Variants in PRELID2 observed in about 807,000 individuals in gnomAD.
PRELID2 encodes the protein PRELI domain-containing protein 2.
A neutral mutation model predicts 28.4 loss-of-function variants in PRELID2; 25 were observed. The observed-to-expected ratio is 0.88, with a 90% CI of 0.64 to 1.23. The LOEUF (loss-of-function observed/expected upper bound fraction) is 1.23. Among genes scored for constraint, PRELID2 ranks in the 50% most tolerant of loss-of-function variants. PRELID2 has a pLI of 0.00. For missense variants in PRELID2, 201 were observed against 214.4 expected (o/e 0.94, Z 0.39); for synonymous variants, 76 against 71.6 (o/e 1.06, Z -0.31).
intron 1 of PRELID2, among the ~76,000 whole-genome samples, chr5:145,496,125 C>A (rs139203145): frequency 6.6e-6 from 1 of 152,102 alleles, no homozygotes; most frequent in Non-Finnish European, 1.5e-5. Flanking sequence ...AAAAGACAGA[C>A]AAAAATCTAC....
the PRELID2 span, among the ~76,000 whole-genome samples, chr5:145,357,744 C>T: frequency 6.6e-6 from 1 of 152,090 alleles, no homozygotes; most frequent in Non-Finnish European, 1.5e-5. Flanking sequence ...ATATTTCTGA[C>T]ATTTCGGCCA....
chr5:145,346,571 C>T, the PRELID2 span, among the ~76,000 whole-genome samples: 1 of 152,080 alleles, frequency 6.6e-6, no homozygotes, highest in East Asian at 1.9e-4. Flanking sequence ...AAACTAATAG[C>T]AGCTAAGAAT....
At position 145,610,622 on chromosome 5, in the gene PRELID2, T is replaced by C. The variant is rs192602540; in HGVS notation, n.71-137307A>G. Among the ~76,000 whole-genome samples the C allele has an allele frequency of 1.1e-4, 16 of 152,332 alleles. No individual in the cohort carries two copies. The East Asian group carries it at 2.9e-3, about 28-fold the overall frequency. Reference sequence around the variant, plus strand: ...TGTCTTCTTGTTATGCACCAAAATCTGGCTGAGACAGAAATTAGTACCTAG... The same window carrying C: ...TGTCTTCTTGTTATGCACCAAAATCCGGCTGAGACAGAAATTAGTACCTAG... On this transcript the variant is annotated intron_variant and non_coding_transcript_variant, in intron 1 of 2. Coordinates refer to the PRELID2 transcript ENST00000510259.
chr5:145,545,404 T>C (rs903782111), intron 1 of PRELID2, among the ~76,000 whole-genome samples: 11 of 151,872 alleles, frequency 7.2e-5, no homozygotes, highest in African/African-American at 2.4e-4. Flanking sequence ...ATTTTAAACA[T>C]TACTTTTACA....
intron 1 of PRELID2, among the ~76,000 whole-genome samples, chr5:145,671,946 A>G (rs946887924): frequency 3.9e-5 from 6 of 152,200 alleles, no homozygotes; most frequent in African/African-American, 1.4e-4. Context: ...TGCAATTCAG[A>G]AACAAAAAAT....
chr5:145,391,230 C>T, the PRELID2 span, among the ~76,000 whole-genome samples: 1 of 152,210 alleles, frequency 6.6e-6, no homozygotes, highest in Non-Finnish European at 1.5e-5. Context: ...AGACTTTTGC[C>T]TAGACATCCA....
At chr5:145,495,328 G>T (rs1396999523) in intron 1 of PRELID2, among the ~76,000 whole-genome samples, 3 of 152,192 alleles carry the variant, frequency 2.0e-5, no homozygotes, top group Non-Finnish European at 4.4e-5. Flanking sequence ...AGTGTGAATT[G>T]AGCATCAGCA....
intron 1 of PRELID2, among the ~76,000 whole-genome samples, chr5:145,830,384 T>C (rs1036107232): frequency 2.0e-5 from 3 of 152,342 alleles, no homozygotes; most frequent in Admixed American, 2.0e-4. Context: ...TTAATGAGTT[T>C]AAATTTCAGG....
the PRELID2 span, among the ~76,000 whole-genome samples, chr5:145,304,542 T>C: frequency 4.5e-4 from 68 of 152,298 alleles, 2 homozygotes; most frequent in South Asian, 0.013. Flanking sequence ...ATTATAGAGA[T>C]AATGAAACTG....
intron 5 of PRELID2, among the ~76,000 whole-genome samples, chr5:145,790,450 T>G (rs555124188): frequency 6.6e-6 from 1 of 151,470 alleles, no homozygotes; most frequent in African/African-American, 2.4e-5. Context: ...AAGTAGAGAG[T>G]AGAATGGTGG....
the PRELID2 span, among the ~76,000 whole-genome samples, chr5:145,442,190 C>G: frequency 6.6e-6 from 1 of 152,072 alleles, no homozygotes. Flanking sequence ...CCTGAACTTT[C>G]AGGATCAAGA....
At chr5:145,262,395 A>G in the PRELID2 span, among the ~76,000 whole-genome samples, 2 of 152,142 alleles carry the variant, frequency 1.3e-5, no homozygotes, top group Admixed American at 1.3e-4. Flanking sequence ...CAGGTTATCT[A>G]AAGAAAAAAT....
the PRELID2 span, among the ~76,000 whole-genome samples, chr5:145,291,861 A>G: frequency 6.6e-6 from 1 of 152,320 alleles, no homozygotes; most frequent in Non-Finnish European, 1.5e-5. Context: ...AGTTGTTCCA[A>G]CATCATTTAC....
intron 1 of PRELID2, among the ~76,000 whole-genome samples, chr5:145,685,721 C>T (rs1755025578): frequency 6.6e-6 from 1 of 152,060 alleles, no homozygotes; most frequent in Non-Finnish European, 1.5e-5. Flanking sequence ...AAGTCAGTAC[C>T]ACTGTAAAAA....
chr5:145,569,463 T>C (rs1752999003), intron 1 of PRELID2, among the ~76,000 whole-genome samples: 1 of 152,216 alleles, frequency 6.6e-6, no homozygotes, highest in African/African-American at 2.4e-5. Context: ...TCATGGTCCA[T>C]GAAGATAGAG....
chr5:145,640,146 A>T lies in PRELID2; in HGVS notation n.70+124785T>A, dbSNP rs116897594. Among the ~76,000 whole-genome samples, 80 of 152,274 alleles carry T rather than the reference A, an allele frequency of 5.3e-4. No homozygotes were observed. The East Asian group carries it at 0.013, about 25-fold the overall frequency. On this transcript the variant is annotated intron_variant and non_coding_transcript_variant, in intron 1 of 2. Coordinates refer to the PRELID2 transcript ENST00000510259. ...AAGAGAGCTGTGATGGTTCAAGGAA[A>T]TTCACTTGGAAAGGTGAAACCCCGT...
chr5:145,727,016 G>A (rs898383572), intron 1 of PRELID2, among the ~76,000 whole-genome samples: 1 of 152,206 alleles, frequency 6.6e-6, no homozygotes, highest in Non-Finnish European at 1.5e-5. Flanking sequence ...GGGTCCAGGG[G>A]GCCAACGTGA....
chr5:145,308,568 T>C, the PRELID2 span, among the ~76,000 whole-genome samples: 20 of 152,310 alleles, frequency 1.3e-4, no homozygotes, highest in South Asian at 1.0e-3. Context: ...TAGATCTATC[T>C]ATCTATCTGT....
chr5:145,697,864 A>C (rs142192081), intron 1 of PRELID2, among the ~76,000 whole-genome samples: 1 of 152,300 alleles, frequency 6.6e-6, no homozygotes, highest in African/African-American at 2.4e-5. Context: ...ATTTTGTGAC[A>C]TTTGAAGCTG....
Sources: allele counts gnomAD v4.1 joint callset (sites outside exome capture counted in the v4.1 genomes callset), GRCh38; gene constraint gnomAD v4.1.1; transcripts MANE v1.5; gene names NCBI Gene and HGNC (gene_info 2026-07-23, HGNC 2026-07-21).